The following NFIB variants were observed in gnomAD, a reference collection of about 807,000 sequenced individuals.
NFIB encodes nuclear factor 1 B-type.
NFIB carries 11 observed loss-of-function variants against 61.5 expected under a neutral mutation model. The observed-to-expected ratio is 0.18, with a 90% CI of 0.11 to 0.30. The LOEUF (loss-of-function observed/expected upper bound fraction) is 0.30. Ranked by LOEUF, NFIB falls within the 10% of genes least tolerant of loss-of-function variation. NFIB has a pLI of 1.00. For missense variants in NFIB, 471 were observed against 608.9 expected, an observed-to-expected ratio of 0.77 and a Z score of 2.38; for synonymous variants, 260 against 216.5, an observed-to-expected ratio of 1.20 and a Z score of -1.76.
intron 2 of NFIB, among the ~76,000 whole-genome samples, chr9:14,264,844 A>G (rs552691108): frequency 1.3e-5 from 2 of 151,882 alleles, no homozygotes; most frequent in Non-Finnish European, 3.0e-5. Context: ...CCACACTGAT[A>G]GCAACCCAAG....
chr9:14,480,711 A>G, the NFIB span, among the ~76,000 whole-genome samples: 1 of 152,218 alleles, frequency 6.6e-6, no homozygotes, highest in Non-Finnish European at 1.5e-5. Flanking sequence ...TGAGAACAAC[A>G]TGAATGAGAC....
chr9:14,246,293 G>A (rs569037860), intron 2 of NFIB, among the ~76,000 whole-genome samples: 98 of 152,096 alleles, frequency 6.4e-4, no homozygotes, highest in Middle Eastern at 3.4e-3. Flanking sequence ...TCTAAACTCC[G>A]ACCCATTAGA....
At chr9:14,225,844 T>C (rs2052339550) in intron 2 of NFIB, among the ~76,000 whole-genome samples, 1 of 152,216 alleles carries the variant, frequency 6.6e-6, no homozygotes, top group Non-Finnish European at 1.5e-5. Flanking sequence ...AATGATTTTT[T>C]TCTTTTATGC....
intron 2 of NFIB, among the ~76,000 whole-genome samples, chr9:14,217,723 G>A (rs1205956773): frequency 7.0e-6 from 1 of 143,746 alleles, no homozygotes; most frequent in East Asian, 2.2e-4. Context: ...TATTTTGGAA[G>A]ACTCATCAAA....
Position 14,088,268 on chromosome 9 carries a change from G to A in NFIB, c.*41C>T, listed in dbSNP as rs368566910. ...AAACCGTAATTTTGGACATTGGCCG[G>A]TAAGATGGGTGTCCTATTTGACACT... On this transcript the variant is annotated 3_prime_UTR_variant, in exon 11 of 11. Transcript: ENST00000380953. 3 of 1,594,664 alleles carry A rather than the reference G, an allele frequency of 1.9e-6. No homozygotes were observed. The highest frequency in any genetic ancestry group is 2.6e-6 in the Non-Finnish European group (3 of 1,168,732).
chr9:14,433,767 G>T, the NFIB span, among the ~76,000 whole-genome samples: 1 of 152,130 alleles, frequency 6.6e-6, no homozygotes, highest in Non-Finnish European at 1.5e-5. Context: ...CTTGCAACAG[G>T]ATTAGTGCAT....
rs76792738 is a variant in NFIB, at chr9:14,195,841, T to C, written c.563-16061A>G. ...TGCAAACATAGACAAAGGAATCTAG[T>C]AAGGGCATTGGGAGGAAAAAGGGGG... On this transcript the variant is annotated intron_variant, in intron 2 of 10. Coordinates refer to ENST00000380953, the MANE Select transcript of NFIB (RefSeq NM_001190737.2). Among the ~76,000 whole-genome samples the C allele has an allele frequency of 3.1e-3, 470 of 152,128 alleles. 4 individuals carry two copies. Among genetic ancestry groups the C allele is most frequent in the African/African-American group, 0.011 (444 of 41,500 alleles).
chr9:14,143,991 A>AGTGAGTGTGTGTGT (rs1554647268), intron 6 of NFIB, among the ~76,000 whole-genome samples: 2 of 134,150 alleles, frequency 1.5e-5, no homozygotes, highest in East Asian at 4.4e-4. Flanking sequence ...AAAGTGACAG[A>AGTGAGTGTGTGTGT]GTGTGTGTGT....
chr9:14,452,342 G>A, the NFIB span, among the ~76,000 whole-genome samples: 1 of 148,548 alleles, frequency 6.7e-6, no homozygotes, highest in South Asian at 2.2e-4. Context: ...AAAAAAGAAG[G>A]AGGGAAAGTA....
intron 1 of NFIB, among the ~76,000 whole-genome samples, chr9:14,366,571 C>T (rs912485343): frequency 6.6e-5 from 10 of 152,044 alleles, no homozygotes; most frequent in Admixed American, 3.3e-4. Flanking sequence ...CTGCAACCTC[C>T]GCCTTCCAGG....
Position 14,145,392 on chromosome 9 carries a change from A to G in NFIB, c.925+1297T>C, listed in dbSNP as rs188467062. Among the ~76,000 whole-genome samples, 6 of 152,262 alleles carry G rather than the reference A, an allele frequency of 3.9e-5. No homozygotes were observed. The East Asian group carries it at 5.8e-4, about 15-fold the overall frequency. Reference sequence around the variant, plus strand: ...AGATTTAGGAATCGAGCTTTGAGTCAGTTGTGCTAAAGGAGGTACACTTGA... The same window carrying G: ...AGATTTAGGAATCGAGCTTTGAGTCGGTTGTGCTAAAGGAGGTACACTTGA... On this transcript the variant is annotated intron_variant, in intron 6 of 10. Transcript: ENST00000380953.
rs550466026 is a variant in NFIB at position 14,234,028 on chromosome 9, T to C, written c.563-54248A>G. On this transcript the variant is annotated intron_variant, in intron 2 of 10. Transcript: ENST00000380953. ...AAAACAGGAGTCAAGGGCATTGTTT[T>C]ATTGTGTTACATGTCAAGGAAAGGA... is the stretch of plus-strand genomic sequence containing the variant. 2.4e-4 allele frequency among the ~76,000 whole-genome samples: 36 copies of C among 152,348 alleles called. No homozygotes were observed. In the South Asian group the frequency reaches 7.0e-3, roughly 30 times the overall value.
the NFIB span, among the ~76,000 whole-genome samples, chr9:14,439,463 G>C: frequency 6.6e-6 from 1 of 152,090 alleles, no homozygotes; most frequent in African/African-American, 2.4e-5. Flanking sequence ...TAATACCTGC[G>C]TTATAGGGCT....
upstream of NFIB, among the ~76,000 whole-genome samples, chr9:14,402,338 T>C (rs963454585): frequency 2.1e-4 from 32 of 152,328 alleles, no homozygotes; most frequent in African/African-American, 7.2e-4. Flanking sequence ...CAAATCCCAT[T>C]TTCTCTTTTC....
chr9:14,501,409 T>A, the NFIB span, among the ~76,000 whole-genome samples: 2 of 152,224 alleles, frequency 1.3e-5, no homozygotes, highest in Non-Finnish European at 2.9e-5. Context: ...AGTATTTTAA[T>A]CTTCTTTCTT....
At chr9:14,096,843 T>C (rs954177969) in intron 10 of NFIB, among the ~76,000 whole-genome samples, 17 of 152,214 alleles carry the variant, frequency 1.1e-4, no homozygotes, top group Admixed American at 1.1e-3. Flanking sequence ...GATTATCTAA[T>C]GGCATCTTAA....
intron 2 of NFIB, among the ~76,000 whole-genome samples, chr9:14,285,706 T>C (rs898910097): frequency 6.6e-6 from 1 of 152,090 alleles, no homozygotes; most frequent in Non-Finnish European, 1.5e-5. Flanking sequence ...GTCAAACAGG[T>C]GACTTTGCAA....
chr9:14,363,320 G>A (rs1306137940), intron 1 of NFIB, among the ~76,000 whole-genome samples: 1 of 152,162 alleles, frequency 6.6e-6, no homozygotes, highest in African/African-American at 2.4e-5. Context: ...ACTGGCTACA[G>A]TTTTCAGCTT....
chr9:14,492,227 G>C, the NFIB span, among the ~76,000 whole-genome samples: 13 of 151,948 alleles, frequency 8.6e-5, no homozygotes, highest in Non-Finnish European at 1.5e-5. Flanking sequence ...GCTGGGCGTG[G>C]TGGTGGGCAC....
Sources: allele counts gnomAD v4.1 joint callset (sites outside exome capture counted in the v4.1 genomes callset), GRCh38; gene constraint gnomAD v4.1.1; transcripts MANE v1.5; gene names NCBI Gene and HGNC (gene_info 2026-07-23, HGNC 2026-07-21).